Variants in NEURL4 observed in about 807,000 individuals in gnomAD.
NEURL4 encodes the protein neuralized-like protein 4.
In NEURL4, 45 loss-of-function variants were observed where a neutral mutation model predicts 148.0. The ratio of observed to expected loss-of-function variants is 0.30; its 90% CI spans 0.24 to 0.39. The LOEUF is 0.39. NEURL4 is among the 10% of genes least tolerant of loss of function. The pLI, the probability that NEURL4 is intolerant of heterozygous loss-of-function variation, is 1.00. For synonymous variants in NEURL4, 854 were observed against 869.0 expected, an observed-to-expected ratio of 0.98 and a Z score of 0.30; for missense variants, 1,776 against 2,144.0, an observed-to-expected ratio of 0.83 and a Z score of 3.39.
chr17:7,320,954 G>T (rs1195297670), intron 20 of NEURL4, 31 bp from the exon 21 acceptor site: 8 of 1,611,646 alleles, frequency 5.0e-6, no homozygotes, highest in Middle Eastern at 1.7e-4. Context: ...GAGCTGCATG[G>T]GTTGCCAATG....
At position 7,320,789 on chromosome 17, in the gene NEURL4, G is replaced by A; in HGVS notation, c.3495C>T (p.Asn1165=). 1 of 1,614,002 alleles carries A rather than the reference G, an allele frequency of 6.2e-7. No individual in the cohort carries two copies. Among genetic ancestry groups the A allele is most frequent in the Non-Finnish European group, 8.5e-7 (1 of 1,179,940 alleles). ...CCAGCAGCTGGGGCACCAGAGGTTG[G>A]TTGATGACAACGATGCCCTGATTGT... ...ASYNQGIVVI[N]QPLVPQLLVQ... is the part of the protein sequence containing the mutation. Residue 1165 remains asparagine, a synonymous_variant, in exon 21 of 29, where the codon AAC becomes AAT. Transcript: ENST00000399464.
chr17:7,327,218 G>A lies in NEURL4; in HGVS notation c.740C>T (p.Ser247Phe). 1 of 1,610,918 alleles carries A rather than the reference G, an allele frequency of 6.2e-7. No individual in the cohort carries two copies. The highest frequency in any genetic ancestry group is 8.5e-7 in the Non-Finnish European group (1 of 1,179,412). ...CGTCTCCGGCCGGGCCTGCGCTGGG[G>A]ACACCATGAAGGCTGGGGACCAGGT... ...GTSADEAFMV[S>F]PAQARPETFP... The change falls in exon 3 of 29, where the codon TCC (serine) becomes TTC (phenylalanine). Residue 247 changes from serine to phenylalanine, a missense_variant. By Grantham distance (155) the Ser-to-Phe change is radical (BLOSUM62 -2). Coordinates refer to ENST00000399464, the MANE Select transcript of NEURL4 (RefSeq NM_032442.3). The surrounding 1 kb of genome is among the most constrained non-coding windows in gnomAD (Gnocchi z 6.6).
At position 7,318,448 on chromosome 17, in the gene NEURL4, G is replaced by A. The variant is rs772195355; in HGVS notation, c.3864+47C>T. On this transcript the variant is annotated intron_variant, in intron 23 of 28. Coordinates refer to ENST00000399464, the MANE Select transcript of NEURL4 (RefSeq NM_032442.3). The surrounding 1 kb of genome is among the most constrained non-coding windows in gnomAD (Gnocchi z 4.3). Reference sequence around the variant, plus strand: ...ACAGAGATTTCCCCTGTCCTGGACAGCGCAGACTCTCAGGCACCCCTCCTC... The same window carrying A: ...ACAGAGATTTCCCCTGTCCTGGACAACGCAGACTCTCAGGCACCCCTCCTC... 2.5e-6 allele frequency: 4 copies of A among 1,605,462 alleles called. No homozygotes were observed. The highest frequency in any genetic ancestry group is 3.4e-6 in the Non-Finnish European group (4 of 1,174,204).
Position 7,325,321 on chromosome 17 carries a change from G to A in NEURL4, c.1519C>T (p.Leu507Phe). ...TGGGCGGCAGGGGCAGCACGGCGGA[G>A]AGCACCCTCGGGGGACAGCGCCCGC... ...ILRALSPEGA[L>F]RRAAPAAQAE... is the part of the protein sequence containing the mutation. Residue 507 changes from leucine (L) to phenylalanine (F), a missense_variant, in exon 8 of 29, where the codon CTC becomes TTC. Transcript: ENST00000399464. 6.2e-7 allele frequency: 1 copy of A among 1,613,162 alleles called. No individual in the cohort carries two copies. Among genetic ancestry groups the A allele is most frequent in the Non-Finnish European group, 8.5e-7 (1 of 1,179,722 alleles).
rs1325417822 is a variant in NEURL4 at position 7,327,130 on chromosome 17, C to T, written c.793+35G>A. The T allele has an allele frequency of 2.5e-6, 4 of 1,608,760 alleles. No homozygotes were observed. The East Asian group carries it at 6.7e-5, about 27-fold the overall frequency. On this transcript the variant is annotated intron_variant, in intron 3 of 28. Coordinates refer to ENST00000399464, the MANE Select transcript of NEURL4 (RefSeq NM_032442.3). This position sits in a 1 kb window ranked among gnomAD's most constrained non-coding sequence, Gnocchi z 6.6. The stretch of plus-strand genomic sequence containing the variant: ...GCCCTCCCTTGTCCACCTCACTTCC[C>T]ACTCCCCTTCCCAGGGCCTCCCCAA...
At chr17:7,320,280 G>A (rs967875802) in intron 21 of NEURL4, among the ~76,000 whole-genome samples, 11 of 151,994 alleles carry the variant, frequency 7.2e-5, no homozygotes, top group African/African-American at 2.2e-4. Flanking sequence ...TTACAGGCTC[G>A]TGCCACCATG....
Position 7,318,500 on chromosome 17 carries a change from C to G in NEURL4, c.3859G>C (p.Glu1287Gln), listed in dbSNP as rs780755990. The change falls in exon 23 of 29, where the codon GAG becomes CAG. Residue 1287 changes from glutamate (E) to glutamine (Q), a missense_variant. Coordinates refer to ENST00000399464, the MANE Select transcript of NEURL4 (RefSeq NM_032442.3). This position sits in a 1 kb window ranked among gnomAD's most constrained non-coding sequence, Gnocchi z 4.3. ...CTGCCCCCACTGCCACTAACCTGCT[C>G]ACACTGCCCATAGAGGTCCACAAGC... ...HALVDLYGQC[E>Q]QVTIVNPEPG... 20 of 1,606,830 alleles carry G rather than the reference C, an allele frequency of 1.2e-5. No homozygotes were observed. The Admixed American group carries it at 1.3e-4, about 11-fold the overall frequency.
At chr17:7,328,013 C>A in intron 1 of NEURL4, 129 bp from the exon 2 acceptor site, 1 of 718,116 alleles carries the variant, frequency 1.4e-6, no homozygotes, top group South Asian at 2.0e-5. Context: ...GAGATGCAGA[C>A]AGTGATTTTC....
At chr17:7,325,526 A>G (rs2143013241) in intron 7 of NEURL4, 53 bp from the exon 8 acceptor site, 1 of 1,598,118 alleles carries the variant, frequency 6.3e-7, no homozygotes, top group Admixed American at 1.7e-5. Context: ...ATGAGGGGAG[A>G]AAGTCAAACA....
At chr17:7,323,609 A>T in intron 13 of NEURL4, 38 bp downstream of exon 13, 2 of 1,613,926 alleles carry the variant, frequency 1.2e-6, no homozygotes. Flanking sequence ...CAAGGCACAG[A>T]CATCCAACAG....
rs745357291 is a variant in NEURL4 at position 7,321,485 on chromosome 17, G to A, written c.3100-26C>T. 2 of 1,613,582 alleles carry A rather than the reference G, an allele frequency of 1.2e-6. No homozygotes were observed. Among genetic ancestry groups the A allele is most frequent in the South Asian group, 2.2e-5 (2 of 91,032 alleles). ...CTAGGACCGAGGTAGGACAAGGACG[G>A]ACGATGTTCAGCCCACCTCTCCCTG... On this transcript the variant is annotated intron_variant, in intron 18 of 28. Coordinates refer to ENST00000399464, the MANE Select transcript of NEURL4 (RefSeq NM_032442.3). The surrounding 1 kb of genome is among the most constrained non-coding windows in gnomAD (Gnocchi z 6.3).
Position 7,324,474 on chromosome 17 carries a change from CA to C in NEURL4, c.1819del (p.Trp607GlyfsTer2), listed in dbSNP as rs1346866604. 6.2e-7 allele frequency: 1 copy of C among 1,614,068 alleles called. No individual in the cohort carries two copies. The highest frequency in any genetic ancestry group is 1.7e-5 in the Admixed American group (1 of 60,028). On this transcript the variant is annotated frameshift_variant, in exon 10 of 29. Coordinates refer to ENST00000399464, the MANE Select transcript of NEURL4 (RefSeq NM_032442.3). LOFTEE classifies it high-confidence loss of function. The surrounding 1 kb of genome is among the most constrained non-coding windows in gnomAD (Gnocchi z 5.9). ...STMTNLRSGT[W>X]MMTGNGVMHN... ...CATCACCCCATTCCCAGTCATCATCCAGGTCCCTGGGAGGACAAGGAGCAGG... is the reference window on the plus strand; with the variant it reads ...CATCACCCCATTCCCAGTCATCATCCGGTCCCTGGGAGGACAAGGAGCAGG...
In NEURL4 at chr17:7,324,538, C is replaced by T; in HGVS notation, c.1814-58G>A. ...GGGAAATGCAGGGCTCCTCTCCTTGCCACAGCAGCGCCCACAGGACTCCCG... is the reference window on the plus strand; with the variant it reads ...GGGAAATGCAGGGCTCCTCTCCTTGTCACAGCAGCGCCCACAGGACTCCCG... On this transcript the variant is annotated intron_variant, in intron 9 of 28. Coordinates refer to ENST00000399464, the MANE Select transcript of NEURL4 (RefSeq NM_032442.3). This position sits in a 1 kb window ranked among gnomAD's most constrained non-coding sequence, Gnocchi z 5.9. 6.7e-7 allele frequency: 1 copy of T among 1,497,408 alleles called. No homozygotes were observed. Among genetic ancestry groups the T allele is most frequent in the Non-Finnish European group, 9.3e-7 (1 of 1,075,146 alleles). The allele number at this position is 1,497,408 out of a possible 1,614,324, so 92.8% of individuals were successfully genotyped here. A position where few individuals can be genotyped will look rare whatever the true frequency, so the allele number is the denominator to read the frequency against.
intron 21 of NEURL4, 112 bp downstream of exon 21, chr17:7,320,647 C>A: frequency 1.1e-6 from 1 of 935,500 alleles, no homozygotes; most frequent in Non-Finnish European, 1.6e-6. Context: ...CTAGGAAGCT[C>A]ATCCAAGTGG....
At position 7,315,987 on chromosome 17, in the gene NEURL4, C is replaced by T. The variant is rs756832632; in HGVS notation, c.*136G>A. 7 of 651,332 alleles carry T rather than the reference C, an allele frequency of 1.1e-5. No homozygotes were observed. Among genetic ancestry groups the T allele is most frequent in the Non-Finnish European group, 1.7e-5 (6 of 355,664 alleles). The allele number at this position is 651,332 out of a possible 1,614,324, so 40.3% of individuals were successfully genotyped here. A position where few individuals can be genotyped will look rare whatever the true frequency, so the allele number is the denominator to read the frequency against. On this transcript the variant is annotated 3_prime_UTR_variant, in exon 29 of 29. Transcript: ENST00000399464. ...TTGCCACCTACATCTGAGAGCCTGCCTACATGCTCCTGCGCGGCTGCCAAG... is the reference window on the plus strand; with the variant it reads ...TTGCCACCTACATCTGAGAGCCTGCTTACATGCTCCTGCGCGGCTGCCAAG...
At position 7,329,304 on chromosome 17, in the gene NEURL4, T is replaced by A; in HGVS notation, c.9A>T (p.Ala3=). 8.0e-7 allele frequency: 1 copy of A among 1,254,464 alleles called. No individual in the cohort carries two copies. The highest frequency in any genetic ancestry group is 1.0e-6 in the Non-Finnish European group (1 of 1,000,422). The allele number at this position is 1,254,464 out of a possible 1,614,324, so 77.7% of individuals were successfully genotyped here. Residue 3 remains alanine, a synonymous_variant, in exon 1 of 29, where the codon GCA becomes GCT. Transcript: ENST00000399464. MA[A]GSGGSGGSGG... ...CAGAGCCCCCACTCCCACCCGACCC[T>A]GCCGCCATCTCCGCTGACACCGGGG...
rs370632013 is a variant in NEURL4 at position 7,319,187 on chromosome 17, G to C, written c.3547C>G (p.Arg1183Gly). 34 of 1,612,804 alleles carry C rather than the reference G, an allele frequency of 2.1e-5. No individual in the cohort carries two copies. The highest frequency in any genetic ancestry group is 2.5e-5 in the Non-Finnish European group (29 of 1,179,434). ...AGGACAAGGGAAGATGTCCACTGTC[G>C]GTTTAGGAAATCTATCCGCACCTGG... ...LVQVRIDFLN[R>G]QWTSSLVLGV... Residue 1183 changes from arginine (R) to glycine (G), a missense_variant, in exon 22 of 29, where the codon CGA becomes GGA. Arg to Gly is a moderately radical substitution (Grantham distance 125, BLOSUM62 -2). Transcript: ENST00000399464.
At position 7,322,912 on chromosome 17, in the gene NEURL4, G is replaced by A. The variant is rs1472996376; in HGVS notation, c.2593+36C>T. ...CAGAAGCCTGACAGCCAGGTGGTCT[G>A]GGCTGAGGGTGGCAGGCTGAAAGCC... is the stretch of plus-strand genomic sequence containing the variant. On this transcript the variant is annotated intron_variant, in intron 15 of 28. Transcript: ENST00000399464. The surrounding 1 kb of genome is among the most constrained non-coding windows in gnomAD (Gnocchi z 5.5). The A allele has an allele frequency of 6.2e-7, 1 of 1,611,480 alleles. No individual in the cohort carries two copies. Among genetic ancestry groups the A allele is most frequent in the Admixed American group, 1.7e-5 (1 of 59,992 alleles).
At position 7,317,545 on chromosome 17, in the gene NEURL4, G is replaced by A. The variant is rs1459505369; in HGVS notation, c.4234C>T (p.Leu1412=). The A allele has an allele frequency of 1.2e-6, 2 of 1,614,084 alleles. No individual in the cohort carries two copies. The highest frequency in any genetic ancestry group is 1.7e-6 in the Non-Finnish European group (2 of 1,180,040). Reference sequence around the variant, plus strand: ...TATGCCATGTGCCACTTCTTGGTTAGTGTCCCAGCCTCCAGGCGGGGATTC... The same window carrying A: ...TATGCCATGTGCCACTTCTTGGTTAATGTCCCAGCCTCCAGGCGGGGATTC... ...RVNPRLEAGT[L]TKKWHMAYHG... The change falls in exon 27 of 29, where the codon CTA becomes TTA. Residue 1412 remains leucine (L), a synonymous_variant. Coordinates refer to ENST00000399464, the MANE Select transcript of NEURL4 (RefSeq NM_032442.3).
Sources: gnomAD v4.1 joint callset for allele counts (sites outside exome capture counted in the v4.1 genomes callset) on GRCh38, gnomAD v4.1.1 for gene constraint, Gnocchi (gnomAD v3.1) non-coding constraint, MANE v1.5 for transcripts, NCBI Gene and HGNC (gene_info 2026-07-23, HGNC 2026-07-21) for gene names.